MTUS2: variants seen among roughly 807,000 people sequenced by gnomAD.
The protein encoded by MTUS2 is microtubule-associated tumor suppressor candidate 2.
Under a neutral mutation model 114.1 loss-of-function variants are expected in MTUS2, and 40 were observed. That is an observed-to-expected ratio of 0.35 (90% confidence interval 0.27 to 0.46). MTUS2 has a LOEUF of 0.46. Ranked by LOEUF, MTUS2 falls within the 20% of genes least tolerant of loss-of-function variation. MTUS2 has a pLI of 1.00. For missense variants in MTUS2, 1,679 were observed against 1,705.4 expected (o/e 0.98, Z 0.27); for synonymous variants, 688 against 672.0 (o/e 1.02, Z -0.37).
At chr13:29,075,456 C>T (rs1384160745) in intron 4 of MTUS2, among the ~76,000 whole-genome samples, 2 of 152,220 alleles carry the variant, frequency 1.3e-5, no homozygotes, top group African/African-American at 4.8e-5. Flanking sequence ...TTGGTTGTCT[C>T]AAGATCTCCT....
At chr13:29,205,564 C>T (rs1895150483) in intron 5 of MTUS2, among the ~76,000 whole-genome samples, 1 of 152,188 alleles carries the variant, frequency 6.6e-6, no homozygotes, top group Admixed American at 6.5e-5. Flanking sequence ...ACTCACTTCC[C>T]ACCCATTCCC....
At chr13:28,845,909 T>C (rs1345425051) in intron 2 of MTUS2, among the ~76,000 whole-genome samples, 2 of 151,984 alleles carry the variant, frequency 1.3e-5, no homozygotes, top group African/African-American at 2.4e-5. Flanking sequence ...CTCAATAATA[T>C]AACAGTGCCT....
chr13:29,300,562 G>A (rs1050364025), intron 6 of MTUS2, among the ~76,000 whole-genome samples: 4 of 151,510 alleles, frequency 2.6e-5, no homozygotes, highest in African/African-American at 7.3e-5. Context: ...AGTATGAGGA[G>A]CATGAAACTT....
At chr13:29,063,020 C>T (rs1165883121) in intron 4 of MTUS2, among the ~76,000 whole-genome samples, 1 of 152,188 alleles carries the variant, frequency 6.6e-6, no homozygotes, top group Non-Finnish European at 1.5e-5. Context: ...AACACAAGAT[C>T]TTGTTTGAGT....
chr13:29,121,458 C>CAT (rs1891304029), intron 5 of MTUS2, among the ~76,000 whole-genome samples: 1 of 150,138 alleles, frequency 6.7e-6, no homozygotes, highest in African/African-American at 2.5e-5. Context: ...CACACACACA[C>CAT]ATGCAAGAGA....
intron 2 of MTUS2, among the ~76,000 whole-genome samples, chr13:29,022,477 A>G (rs1886333479): frequency 6.6e-6 from 1 of 152,234 alleles, no homozygotes; most frequent in Non-Finnish European, 1.5e-5. Flanking sequence ...GGTGTGAGCT[A>G]CTGTGTCCAG....
chr13:29,080,537 C>CT (rs1327717233), intron 4 of MTUS2, among the ~76,000 whole-genome samples: 1 of 152,188 alleles, frequency 6.6e-6, no homozygotes, highest in Non-Finnish European at 1.5e-5. Context: ...AGCTGAAGAA[C>CT]TTGGAGTCTG....
intron 9 of MTUS2, among the ~76,000 whole-genome samples, chr13:29,460,639 A>G (rs1879415991): frequency 6.6e-6 from 1 of 152,136 alleles, no homozygotes. Context: ...TGAGTTTATG[A>G]AGGGCTTCAT....
chr13:29,092,580 G>A (rs892682748), intron 4 of MTUS2, among the ~76,000 whole-genome samples: 2 of 152,248 alleles, frequency 1.3e-5, no homozygotes, highest in East Asian at 1.9e-4. Flanking sequence ...CTCTGAATGC[G>A]GGTACGAGCT....
chr13:29,202,604 T>C (rs1345921216), intron 5 of MTUS2, among the ~76,000 whole-genome samples: 2 of 152,232 alleles, frequency 1.3e-5, no homozygotes, highest in Non-Finnish European at 2.9e-5. Context: ...TTTTGGAATT[T>C]TCAGCCTTTT....
chr13:29,018,913 A>T (rs1343638785), intron 2 of MTUS2, among the ~76,000 whole-genome samples: 2 of 152,170 alleles, frequency 1.3e-5, no homozygotes, highest in African/African-American at 4.8e-5. Flanking sequence ...GTTTTGAGCA[A>T]GGAGAGCATG....
chr13:28,898,146 A>G (rs971788146), intron 2 of MTUS2, among the ~76,000 whole-genome samples: 3 of 152,196 alleles, frequency 2.0e-5, no homozygotes, highest in Non-Finnish European at 2.9e-5. Flanking sequence ...TGGAGGACCC[A>G]GTACAAAATA....
intron 5 of MTUS2, among the ~76,000 whole-genome samples, chr13:29,160,378 A>G (rs1016186753): frequency 2.0e-5 from 3 of 152,254 alleles, no homozygotes; most frequent in African/African-American, 7.2e-5. Context: ...TATATAATAC[A>G]TATAACATAG....
rs75972424 is a variant in MTUS2 at position 29,112,270 on chromosome 13, C to T, written c.2644+11300C>T. On this transcript the variant is annotated intron_variant, in intron 5 of 15. Transcript: ENST00000612955. ...GCAGGGGCAGGAGATAGGAGACAGC[C>T]GGAGAAGGCTTGGTCAGCGAGGCAG... is the stretch of plus-strand genomic sequence containing the variant. 3.9e-4 allele frequency among the ~76,000 whole-genome samples: 59 copies of T among 152,044 alleles called. No homozygotes were observed. The East Asian group carries it at 5.0e-3, about 13-fold the overall frequency.
chr13:29,349,482 T>C (rs1397299786), intron 7 of MTUS2, among the ~76,000 whole-genome samples: 5 of 152,164 alleles, frequency 3.3e-5, no homozygotes, highest in Non-Finnish European at 5.9e-5. Flanking sequence ...ATTTTTAGTA[T>C]TTTTTATTTC....
At chr13:29,018,339 T>C (rs918105261) in intron 2 of MTUS2, among the ~76,000 whole-genome samples, 2 of 152,190 alleles carry the variant, frequency 1.3e-5, no homozygotes, top group Non-Finnish European at 2.9e-5. Flanking sequence ...GTGGATCCAG[T>C]GAGTTTCCCT....
At chr13:29,373,108 A>C (rs6490397) in intron 8 of MTUS2, among the ~76,000 whole-genome samples, 70,360 of 152,092 alleles carry the variant, frequency 0.46, 19,457 homozygotes, top group East Asian at 0.66. Flanking sequence ...GAGCTCCAGG[A>C]GAAACTTTTT....
intron 5 of MTUS2, among the ~76,000 whole-genome samples, chr13:29,263,319 G>A (rs1315682028): frequency 2.6e-5 from 4 of 152,226 alleles, no homozygotes; most frequent in Admixed American, 6.5e-5. Flanking sequence ...TATAGACAAG[G>A]GTGTGGTCTC....
At chr13:29,066,069 G>A (rs769495818) in intron 4 of MTUS2, among the ~76,000 whole-genome samples, 2 of 152,138 alleles carry the variant, frequency 1.3e-5, no homozygotes, top group Non-Finnish European at 2.9e-5. Flanking sequence ...TGTCCTAAGG[G>A]CCTTTTATTT....
Sources: gnomAD v4.1 joint callset for allele counts (sites outside exome capture counted in the v4.1 genomes callset) on GRCh38, gnomAD v4.1.1 for gene constraint, MANE v1.5 for transcripts, NCBI Gene and HGNC (gene_info 2026-07-23, HGNC 2026-07-21) for gene names.